The following MGST1 variants were observed in gnomAD, a reference collection of about 807,000 sequenced individuals.
MGST1 encodes glutathione S-transferase 12.
Under a neutral mutation model 8.9 loss-of-function variants are expected in MGST1, and 5 were observed. The ratio of observed to expected loss-of-function variants is 0.56; its 90% CI spans 0.29 to 1.19. MGST1 has a LOEUF of 1.19. Ranked by LOEUF, MGST1 falls within the 50% of genes most tolerant of loss-of-function variation. The probability of loss-of-function intolerance (pLI) is 0.08; values close to 1 mark genes in which losing one functional copy is unlikely to be tolerated. For synonymous variants in MGST1, 54 were observed against 67.8 expected, an observed-to-expected ratio of 0.80 and a Z score of 1.00; for missense variants, 182 against 187.4, an observed-to-expected ratio of 0.97 and a Z score of 0.17.
Position 16,560,967 on chromosome 12 carries a change from G to A in MGST1, n.483-28561G>A, listed in dbSNP as rs1468356376. Among the ~76,000 whole-genome samples, 2 of 152,070 alleles carry A rather than the reference G, an allele frequency of 1.3e-5. No individual in the cohort carries two copies. Among genetic ancestry groups the A allele is most frequent in the African/African-American group, 2.4e-5 (1 of 41,406 alleles). ...ACTTTTTGACATTTAGTTACTAAAA[G>A]GTTTGCCATTATTATTAAAAATACA... On this transcript the variant is annotated intron_variant and non_coding_transcript_variant, in intron 4 of 4. Coordinates refer to the MGST1 transcript ENST00000538857. The surrounding 1 kb of genome is among the most constrained non-coding windows in gnomAD (Gnocchi z 5.0).
chr12:16,406,957 C>T (rs1238664982), intron 1 of MGST1, among the ~76,000 whole-genome samples: 1 of 151,998 alleles, frequency 6.6e-6, no homozygotes, highest in Non-Finnish European at 1.5e-5. Context: ...TATAAACACC[C>T]TGGAAAACAA....
At chr12:16,421,980 T>C (rs1940840556) in intron 1 of MGST1, among the ~76,000 whole-genome samples, 1 of 152,146 alleles carries the variant, frequency 6.6e-6, no homozygotes, top group African/African-American at 2.4e-5. Context: ...GCTGGCTGGT[T>C]GGACATTTTT....
intron 4 of MGST1, among the ~76,000 whole-genome samples, chr12:16,509,606 G>C (rs554696895): frequency 6.6e-6 from 1 of 152,268 alleles, no homozygotes; most frequent in East Asian, 1.9e-4. Flanking sequence ...GTTCAGAGTG[G>C]ACAAACCAGA....
At chr12:16,399,337 T>G (rs1469849887) in intron 1 of MGST1, 11 of 1,591,978 alleles carry the variant, frequency 6.9e-6, no homozygotes, top group Non-Finnish European at 7.8e-6. Context: ...GAACCACGGT[T>G]AGAGCCATGG....
Position 16,401,114 on chromosome 12 carries a change from C to A in MGST1, n.778+17510C>A, listed in dbSNP as rs532179917. ...TCTTTCTCCTCCTCCTCCTTTTCCTCATCTTCGTTCCTTAGGAAAATACCC... is the reference window on the plus strand; with the variant it reads ...TCTTTCTCCTCCTCCTCCTTTTCCTAATCTTCGTTCCTTAGGAAAATACCC... On this transcript the variant is annotated intron_variant and non_coding_transcript_variant, in intron 1 of 1. Transcript: ENST00000359720. The surrounding 1 kb of genome is among the most constrained non-coding windows in gnomAD (Gnocchi z 4.3). The A allele has an allele frequency of 1.3e-6, 2 of 1,578,784 alleles. No homozygotes were observed. The highest frequency in any genetic ancestry group is 1.3e-5 in the African/African-American group (1 of 74,372).
At chr12:16,464,837 A>G (rs1941242891) in intron 4 of MGST1, among the ~76,000 whole-genome samples, 1 of 152,220 alleles carries the variant, frequency 6.6e-6, no homozygotes, top group Non-Finnish European at 1.5e-5. Flanking sequence ...AGCTTAAATA[A>G]ATTTTTCAAT....
Position 16,572,176 on chromosome 12 carries a change from C to T in MGST1, n.483-17352C>T, listed in dbSNP as rs555306166. Among the ~76,000 whole-genome samples the T allele has an allele frequency of 9.2e-5, 14 of 151,990 alleles. No homozygotes were observed. In the East Asian group the frequency reaches 2.7e-3, roughly 29 times the overall value. On this transcript the variant is annotated intron_variant and non_coding_transcript_variant, in intron 4 of 4. Transcript: ENST00000538857. ...TGCTTTCCATAATAAATTACCACAA[C>T]TCTCAATCCAGTATTAAGAAGGAGA...
chr12:16,390,941 C>T (rs1441348057), intron 1 of MGST1, among the ~76,000 whole-genome samples: 4 of 151,910 alleles, frequency 2.6e-5, no homozygotes, highest in Non-Finnish European at 4.4e-5. Context: ...CATAAGTGTT[C>T]GCTTTTCTCC....
chr12:16,349,091 A>G (rs956382111), intron 1 of MGST1: 2 of 152,204 alleles, frequency 1.3e-5, no homozygotes, highest in African/African-American at 4.8e-5. Context: ...GAATTCATCT[A>G]GAGTTCCAGA....
chr12:16,508,591 A>G (rs1457926438), intron 4 of MGST1, among the ~76,000 whole-genome samples: 1 of 152,228 alleles, frequency 6.6e-6, no homozygotes, highest in East Asian at 1.9e-4. Flanking sequence ...TAAACAATTC[A>G]GACTGACTAT....
intron 3 of MGST1, among the ~76,000 whole-genome samples, chr12:16,372,861 T>C (rs1208852657): frequency 7.2e-6 from 1 of 138,834 alleles, no homozygotes; most frequent in East Asian, 2.3e-4. Flanking sequence ...TTACATATAT[T>C]ATGTATTAGA....
Position 16,389,054 on chromosome 12 carries a change from A to G in MGST1, n.778+5450A>G, listed in dbSNP as rs1940528083. On this transcript the variant is annotated intron_variant and non_coding_transcript_variant, in intron 1 of 1. Coordinates refer to the MGST1 transcript ENST00000359720. The surrounding 1 kb of genome is among the most constrained non-coding windows in gnomAD (Gnocchi z 4.6). The stretch of plus-strand genomic sequence containing the variant: ...CTTGGGGAAATTAAGTTAATCTTGT[A>G]AAGTGCCACTTTGCGTATCTGAAGA... Among the ~76,000 whole-genome samples the G allele has an allele frequency of 6.6e-6, 1 of 152,248 alleles. No individual in the cohort carries two copies. The highest frequency in any genetic ancestry group is 6.5e-5 in the Admixed American group (1 of 15,282).
At chr12:16,557,764 A>G (rs1244579473) in intron 4 of MGST1, among the ~76,000 whole-genome samples, 1 of 152,052 alleles carries the variant, frequency 6.6e-6, no homozygotes, top group African/African-American at 2.4e-5. Flanking sequence ...CAAGAGAGGT[A>G]TTAGTGTTTC....
chr12:16,537,319 G>A lies in MGST1; in HGVS notation n.483-52209G>A, dbSNP rs1465109405. Among the ~76,000 whole-genome samples, 1 of 152,180 alleles carries A rather than the reference G, an allele frequency of 6.6e-6. No individual in the cohort carries two copies. The highest frequency in any genetic ancestry group is 2.4e-5 in the African/African-American group (1 of 41,428). The stretch of plus-strand genomic sequence containing the variant: ...AGTCTTGGGCAACTCCACCCCTATG[G>A]CTTTGCAGGGTACAGCCCCTCTCCT... On this transcript the variant is annotated intron_variant and non_coding_transcript_variant, in intron 4 of 4. Coordinates refer to the MGST1 transcript ENST00000538857. This position sits in a 1 kb window ranked among gnomAD's most constrained non-coding sequence, Gnocchi z 4.6.
chr12:16,570,403 T>A (rs1942775305), intron 4 of MGST1, among the ~76,000 whole-genome samples: 1 of 151,474 alleles, frequency 6.6e-6, no homozygotes, highest in Admixed American at 6.6e-5. Flanking sequence ...TTTGAAAATA[T>A]TTTTTTTTAC....
intron 1 of MGST1, chr12:16,399,639 C>T (rs1160443327): frequency 5.6e-6 from 9 of 1,603,352 alleles, no homozygotes; most frequent in Admixed American, 1.7e-5. Flanking sequence ...AGCATCACTC[C>T]CCTCATCGTC....
At chr12:16,551,592 GC>G (rs1941991510) in intron 4 of MGST1, among the ~76,000 whole-genome samples, 1 of 144,694 alleles carries the variant, frequency 6.9e-6, no homozygotes, top group Non-Finnish European at 1.5e-5. Flanking sequence ...AAGATGACTT[GC>G]TTTTTTTTTT....
At chr12:16,545,606 A>G (rs375495720) in intron 4 of MGST1, among the ~76,000 whole-genome samples, 2 of 151,764 alleles carry the variant, frequency 1.3e-5, no homozygotes, top group East Asian at 1.9e-4. Context: ...TTATGCTGAA[A>G]CTCGCAACTT....
downstream of MGST1, among the ~76,000 whole-genome samples, chr12:16,590,739 T>C (rs1697464784): frequency 6.6e-6 from 1 of 152,080 alleles, no homozygotes; most frequent in African/African-American, 2.4e-5. Flanking sequence ...ATTGAAATAC[T>C]ATGATGTATA....
Sources: gnomAD v4.1 joint callset for allele counts (sites outside exome capture counted in the v4.1 genomes callset) on GRCh38, gnomAD v4.1.1 for gene constraint, Gnocchi (gnomAD v3.1) non-coding constraint, MANE v1.5 for transcripts, NCBI Gene and HGNC (gene_info 2026-07-23, HGNC 2026-07-21) for gene names.